Variants in AOPEP observed in about 807,000 individuals in gnomAD.
AOPEP encodes aminopeptidase O.
AOPEP carries 77 observed loss-of-function variants against 98.1 expected under a neutral mutation model. The observed-to-expected ratio is 0.78, with a 90% CI of 0.65 to 0.95. The LOEUF (loss-of-function observed/expected upper bound fraction) is 0.95, where lower values mean the gene tolerates loss of function less well. Among genes scored for constraint, AOPEP ranks in the 40% least tolerant of loss-of-function variants. AOPEP has a pLI of 0.00. For missense variants in AOPEP, 1,024 were observed against 1,024.7 expected (o/e 1.00, Z 0.01); for synonymous variants, 346 against 365.3 (o/e 0.95, Z 0.60).
chr9:94,743,167 A>AAAGAAGAAG (rs138111726), intron 1 of AOPEP, among the ~76,000 whole-genome samples: 288 of 142,704 alleles, frequency 2.0e-3, no homozygotes, highest in Middle Eastern at 0.01. Flanking sequence ...TTGCAATATA[A>AAAGAAGAAG]AAGAAGAAGA....
chr9:95,106,231 C>T, the AOPEP span, among the ~76,000 whole-genome samples: 4 of 152,214 alleles, frequency 2.6e-5, no homozygotes, highest in East Asian at 3.8e-4. Flanking sequence ...GAGCATCTCC[C>T]CACATGCCTA....
At chr9:95,140,822 A>G in the AOPEP span, among the ~76,000 whole-genome samples, 1 of 152,282 alleles carries the variant, frequency 6.6e-6, no homozygotes, top group Non-Finnish European at 1.5e-5. Flanking sequence ...ATTCAGACAA[A>G]AGTTGCCATC....
chr9:94,883,999 A>G (rs2047895820), intron 5 of AOPEP, among the ~76,000 whole-genome samples: 1 of 152,182 alleles, frequency 6.6e-6, no homozygotes, highest in African/African-American at 2.4e-5. Context: ...ACCCCAAGAT[A>G]GAGTTTCCTC....
At chr9:95,084,426 A>C (rs537006371) in intron 16 of AOPEP, among the ~76,000 whole-genome samples, 13 of 152,234 alleles carry the variant, frequency 8.5e-5, no homozygotes, top group Non-Finnish European at 1.5e-4. Context: ...CGCCTGCTGC[A>C]GACTTGACGC....
chr9:94,818,747 C>A (rs1852259826), intron 5 of AOPEP, among the ~76,000 whole-genome samples: 1 of 152,198 alleles, frequency 6.6e-6, no homozygotes, highest in African/African-American at 2.4e-5. Context: ...GTAATCCCAG[C>A]ACTTTGGGAG....
chr9:94,795,391 G>A (rs971319266), intron 4 of AOPEP, among the ~76,000 whole-genome samples: 1 of 152,158 alleles, frequency 6.6e-6, no homozygotes, highest in Non-Finnish European at 1.5e-5. Context: ...GCCTGAAAGT[G>A]CCATTCTTGG....
At chr9:94,851,531 A>G (rs1361768353) in intron 5 of AOPEP, among the ~76,000 whole-genome samples, 2 of 151,692 alleles carry the variant, frequency 1.3e-5, no homozygotes, top group African/African-American at 2.4e-5. Context: ...ACCTCGTTCA[A>G]GTATAATTTC....
At position 94,760,591 on chromosome 9, in the gene AOPEP, C is replaced by T. The variant is rs1838024328; in HGVS notation, c.797+11C>T. On this transcript the variant is annotated intron_variant, in intron 2 of 16. Transcript: ENST00000375315. ...AGACCAGAGTGGCAGGTAGGTTATCCAAGCACTTCAAAGCCCTGTGCCTGT... is the reference window on the plus strand; with the variant it reads ...AGACCAGAGTGGCAGGTAGGTTATCTAAGCACTTCAAAGCCCTGTGCCTGT... 6.5e-7 allele frequency: 1 copy of T among 1,528,684 alleles called. No individual in the cohort carries two copies. Among genetic ancestry groups the T allele is most frequent in the Admixed American group, 2.2e-5 (1 of 45,574 alleles). The allele number at this position is 1,528,684 out of a possible 1,614,324, so 94.7% of individuals were successfully genotyped here.
At chr9:94,838,450 GTCTC>G (rs1166121066) in intron 5 of AOPEP, among the ~76,000 whole-genome samples, 1 of 152,140 alleles carries the variant, frequency 6.6e-6, no homozygotes, top group Admixed American at 6.5e-5. Context: ...ATTGATTTCT[GTCTC>G]TCTCTTCTAT....
intron 7 of AOPEP, chr9:94,934,489 T>G (rs896347021): frequency 1.3e-5 from 2 of 151,826 alleles, no homozygotes; most frequent in African/African-American, 4.8e-5. Flanking sequence ...GCCTCTCCTA[T>G]CCTTAATAAT....
At chr9:94,836,121 C>G (rs986098726) in intron 5 of AOPEP, among the ~76,000 whole-genome samples, 5 of 152,186 alleles carry the variant, frequency 3.3e-5, no homozygotes, top group Admixed American at 2.6e-4. Flanking sequence ...CGTGTACAAG[C>G]ACATGCACCT....
At chr9:95,035,507 ATTTTTTTTTTTTTTTT>A (rs542840000) in intron 13 of AOPEP, among the ~76,000 whole-genome samples, 1 of 67,950 alleles carries the variant, frequency 1.5e-5, no homozygotes, top group Non-Finnish European at 2.6e-5. Flanking sequence ...GCTTCAGATA[ATTTTTTTTTTTTTTTT>A]TTTTTTTTTT....
chr9:94,871,745 G>A (rs112282100), intron 5 of AOPEP, among the ~76,000 whole-genome samples: 21 of 152,124 alleles, frequency 1.4e-4, no homozygotes, highest in African/African-American at 3.1e-4. Flanking sequence ...GGTGGTTCAC[G>A]CCTGTAATCC....
chr9:95,143,537 A>T, the AOPEP span, among the ~76,000 whole-genome samples: 2 of 152,206 alleles, frequency 1.3e-5, no homozygotes, highest in African/African-American at 4.8e-5. Context: ...ATCACTCAGG[A>T]AATTTCAAGG....
At chr9:95,054,197 T>G (rs1248500427) in intron 13 of AOPEP, among the ~76,000 whole-genome samples, 1 of 152,226 alleles carries the variant, frequency 6.6e-6, no homozygotes, top group Non-Finnish European at 1.5e-5. Context: ...GGAATTTAGT[T>G]TCTTTTTCAT....
intron 11 of AOPEP, among the ~76,000 whole-genome samples, chr9:94,984,278 C>T (rs1291244948): frequency 1.3e-5 from 2 of 152,166 alleles, no homozygotes; most frequent in Non-Finnish European, 2.9e-5. Context: ...ATCTGTCTGC[C>T]TCAGCCTCTC....
chr9:94,788,987 G>C (rs375283973), intron 3 of AOPEP, among the ~76,000 whole-genome samples: 9 of 152,312 alleles, frequency 5.9e-5, no homozygotes, highest in South Asian at 4.1e-4. Flanking sequence ...TAGATGTGCA[G>C]CTGGGCCTGC....
intron 13 of AOPEP, among the ~76,000 whole-genome samples, chr9:95,030,272 G>A (rs948079645): frequency 2.0e-5 from 3 of 152,110 alleles, no homozygotes; most frequent in African/African-American, 4.8e-5. Context: ...GAATGGGAGC[G>A]TGTTATATAT....
intron 2 of AOPEP, among the ~76,000 whole-genome samples, chr9:94,771,870 G>C (rs1429251184): frequency 6.6e-6 from 1 of 151,918 alleles, no homozygotes; most frequent in African/African-American, 2.4e-5. Context: ...TTGTCTTACT[G>C]TCCTCTGATT....
Sources: allele counts gnomAD v4.1 joint callset (sites outside exome capture counted in the v4.1 genomes callset), GRCh38; gene constraint gnomAD v4.1.1; transcripts MANE v1.5; gene names NCBI Gene and HGNC (gene_info 2026-07-23, HGNC 2026-07-21).